The following ATRNL1 variants were observed in gnomAD, a reference collection of about 807,000 sequenced individuals.
The protein encoded by ATRNL1 is attractin-like protein 1.
Under a neutral mutation model 182.7 loss-of-function variants are expected in ATRNL1, and 95 were observed. That is an observed-to-expected ratio of 0.52 (90% CI 0.44 to 0.62). ATRNL1 has a LOEUF of 0.62. Ranked by LOEUF, ATRNL1 falls within the 20% of genes least tolerant of loss-of-function variation. The pLI, the probability that ATRNL1 is intolerant of heterozygous loss-of-function variation, is 0.00. For missense variants in ATRNL1, 1,471 were observed against 1,679.5 expected, an observed-to-expected ratio of 0.88 and a Z score of 2.17; for synonymous variants, 576 against 568.3, an observed-to-expected ratio of 1.01 and a Z score of -0.19.
At chr10:115,722,183 AT>A (rs1289375847) in intron 26 of ATRNL1, among the ~76,000 whole-genome samples, 27 of 150,662 alleles carry the variant, frequency 1.8e-4, no homozygotes, top group African/African-American at 5.8e-4. Context: ...GACAGGTAGA[AT>A]TTTTTTTTTA....
chr10:115,893,927 T>C (rs771390150), intron 28 of ATRNL1, among the ~76,000 whole-genome samples: 1 of 151,180 alleles, frequency 6.6e-6, no homozygotes, highest in Non-Finnish European at 1.5e-5. Context: ...AAGACAAAAT[T>C]CAAAAGACCA....
At chr10:115,772,469 A>C (rs1018448704) in intron 27 of ATRNL1, among the ~76,000 whole-genome samples, 1 of 152,142 alleles carries the variant, frequency 6.6e-6, no homozygotes, top group East Asian at 1.9e-4. Context: ...TCAAAAATGA[A>C]AAAGATTTTA....
intron 28 of ATRNL1, among the ~76,000 whole-genome samples, chr10:115,861,252 A>G (rs1024528734): frequency 1.1e-4 from 16 of 151,990 alleles, no homozygotes; most frequent in African/African-American, 3.6e-4. Context: ...TTTTTCATTT[A>G]CTATTATAAA....
intron 25 of ATRNL1, among the ~76,000 whole-genome samples, chr10:115,545,235 A>C (rs1447238043): frequency 4.2e-5 from 1 of 23,902 alleles, no homozygotes; most frequent in Non-Finnish European, 1.5e-4. Context: ...ACTCCGTATC[A>C]AAAAAAAAAA....
chr10:115,632,162 C>T (rs1435976999), intron 26 of ATRNL1, among the ~76,000 whole-genome samples: 1 of 151,988 alleles, frequency 6.6e-6, no homozygotes, highest in Non-Finnish European at 1.5e-5. Flanking sequence ...ATATAGATCC[C>T]AGCAGTAAGT....
At chr10:115,381,635 G>A (rs1172459087) in intron 19 of ATRNL1, among the ~76,000 whole-genome samples, 1 of 151,514 alleles carries the variant, frequency 6.6e-6, no homozygotes, top group Non-Finnish European at 1.5e-5. Context: ...AATACAAATT[G>A]CAAAAATTTT....
intron 25 of ATRNL1, among the ~76,000 whole-genome samples, chr10:115,525,062 C>G (rs1851140495): frequency 6.6e-6 from 1 of 152,258 alleles, no homozygotes; most frequent in Non-Finnish European, 1.5e-5. Context: ...CTTCTATGGA[C>G]TCAGTCACCT....
chr10:115,942,748 A>G (rs575162309), intron 28 of ATRNL1, among the ~76,000 whole-genome samples: 2 of 152,360 alleles, frequency 1.3e-5, no homozygotes, highest in African/African-American at 4.8e-5. Flanking sequence ...AGAAAGGAAA[A>G]TGAGCCAAAA....
chr10:115,413,466 A>G (rs1845238819), intron 20 of ATRNL1, among the ~76,000 whole-genome samples: 1 of 152,154 alleles, frequency 6.6e-6, no homozygotes, highest in Admixed American at 6.5e-5. Context: ...TTTACCAGAC[A>G]GACCTCAACA....
At chr10:115,218,147 G>A (rs958016916) in intron 9 of ATRNL1, among the ~76,000 whole-genome samples, 3 of 151,662 alleles carry the variant, frequency 2.0e-5, no homozygotes, top group Non-Finnish European at 4.4e-5. Flanking sequence ...TAGAATAAGT[G>A]AGAATCCTGG....
intron 26 of ATRNL1, among the ~76,000 whole-genome samples, chr10:115,615,820 C>T (rs1308414016): frequency 2.6e-5 from 4 of 152,154 alleles, no homozygotes; most frequent in Non-Finnish European, 4.4e-5. Flanking sequence ...CCTGCAGAAC[C>T]GTGAGCCAAG....
chr10:115,126,758 G>A (rs1018373866), intron 3 of ATRNL1, among the ~76,000 whole-genome samples: 6 of 152,158 alleles, frequency 3.9e-5, no homozygotes, highest in African/African-American at 7.2e-5. Flanking sequence ...GGAATTGACC[G>A]TGTCGAGTTA....
intron 27 of ATRNL1, among the ~76,000 whole-genome samples, chr10:115,825,759 C>T (rs782025211): frequency 7.9e-5 from 12 of 152,124 alleles, no homozygotes; most frequent in Non-Finnish European, 1.8e-4. Flanking sequence ...GCTTTCTGGC[C>T]AAATGCTGTC....
intron 26 of ATRNL1, among the ~76,000 whole-genome samples, chr10:115,720,844 C>A (rs1483762489): frequency 2.0e-5 from 3 of 152,142 alleles, no homozygotes; most frequent in African/African-American, 7.2e-5. Context: ...GTCAGTAATT[C>A]TAAAGTAGTT....
intron 26 of ATRNL1, among the ~76,000 whole-genome samples, chr10:115,644,896 A>G (rs1859502219): frequency 6.6e-6 from 1 of 152,124 alleles, no homozygotes; most frequent in Non-Finnish European, 1.5e-5. Context: ...TGATTCCAGT[A>G]AGTTCATTCT....
Position 115,798,398 on chromosome 10 carries a change from A to G in ATRNL1, c.3904-49479A>G, listed in dbSNP as rs538083490. 1.6e-3 allele frequency among the ~76,000 whole-genome samples: 248 copies of G among 152,020 alleles called. 11 individuals carry two copies. The South Asian group carries it at 0.05, about 30-fold the overall frequency. On this transcript the variant is annotated intron_variant, in intron 27 of 28. Coordinates refer to ENST00000355044, the MANE Select transcript of ATRNL1 (RefSeq NM_207303.4). ...CTCAAAGCTCTCTGCTCCCCATACC[A>G]CTGCCTGTTGCCCTCAGCACTGCTG...
At chr10:115,664,356 G>A (rs1484209168) in intron 26 of ATRNL1, among the ~76,000 whole-genome samples, 3 of 152,140 alleles carry the variant, frequency 2.0e-5, no homozygotes, top group Non-Finnish European at 4.4e-5. Context: ...AATCTCAAAT[G>A]TATTCTTTCT....
chr10:115,125,363 A>T (rs1844921168), intron 3 of ATRNL1, among the ~76,000 whole-genome samples: 1 of 152,188 alleles, frequency 6.6e-6, no homozygotes, highest in African/African-American at 2.4e-5. Context: ...AATCAAGGTT[A>T]TGTAATTATA....
chr10:115,683,528 GGAA>G (rs1303985895), intron 26 of ATRNL1, among the ~76,000 whole-genome samples: 5 of 135,734 alleles, frequency 3.7e-5, no homozygotes, highest in South Asian at 2.5e-4. Context: ...AAGGTATATG[GGAA>G]GAAGAAGAGA....
Sources: gnomAD v4.1 joint callset for allele counts (sites outside exome capture counted in the v4.1 genomes callset) on GRCh38, gnomAD v4.1.1 for gene constraint, MANE v1.5 for transcripts, NCBI Gene and HGNC (gene_info 2026-07-23, HGNC 2026-07-21) for gene names.